Variants in CSTF3 observed in about 807,000 individuals in gnomAD.
CSTF3 encodes cleavage stimulation factor subunit 3.
A neutral mutation model predicts 105.8 loss-of-function variants in CSTF3; 29 were observed. The ratio of observed to expected loss-of-function variants is 0.27; its 90% CI spans 0.20 to 0.37. The LOEUF (loss-of-function observed/expected upper bound fraction) is 0.37. Ranked by LOEUF, CSTF3 falls within the 10% of genes least tolerant of loss-of-function variation. The probability of loss-of-function intolerance (pLI) is 1.00; values close to 1 mark genes in which losing one functional copy is unlikely to be tolerated. For synonymous variants in CSTF3, 252 were observed against 281.9 expected, an observed-to-expected ratio of 0.89 and a Z score of 1.06; for missense variants, 357 against 879.3, an observed-to-expected ratio of 0.41 and a Z score of 7.51.
intron 17 of CSTF3, among the ~76,000 whole-genome samples, chr11:33,090,281 A>C (rs1476428321): frequency 6.6e-6 from 1 of 152,150 alleles, no homozygotes; most frequent in Admixed American, 6.5e-5. Context: ...CAGATATAAG[A>C]TATAAGGCAC....
At chr11:33,103,494 G>C (rs1855298738) in intron 8 of CSTF3, among the ~76,000 whole-genome samples, 1 of 151,982 alleles carries the variant, frequency 6.6e-6, no homozygotes, top group Non-Finnish European at 1.5e-5. Flanking sequence ...AAAAAAAAAT[G>C]ACATGGCTCA....
chr11:33,098,998 T>C, intron 12 of CSTF3, 36 bp downstream of exon 12: 3 of 1,547,598 alleles, frequency 1.9e-6, no homozygotes, highest in South Asian at 2.5e-5. Context: ...CACTAAAAAA[T>C]TGAATTATAA....
chr11:33,089,306 C>T (rs2133768277), intron 17 of CSTF3, among the ~76,000 whole-genome samples: 1 of 143,788 alleles, frequency 7.0e-6, no homozygotes, highest in South Asian at 2.2e-4. Context: ...ATGATCTCAC[C>T]ATTGCACTCC....
rs1422767363 is a variant in CSTF3 at position 33,102,115 on chromosome 11, T to C, written c.826+62A>G. The C allele has an allele frequency of 5.6e-6, 8 of 1,430,002 alleles. No individual in the cohort carries two copies. In the East Asian group the frequency reaches 1.8e-4, roughly 32 times the overall value. 88.6% of individuals were successfully genotyped at this position (1,430,002 alleles called of 1,614,324 possible). On this transcript the variant is annotated intron_variant, in intron 10 of 20. Coordinates refer to ENST00000323959, the MANE Select transcript of CSTF3 (RefSeq NM_001326.3). The stretch of plus-strand genomic sequence containing the variant: ...GGGGTAAGAAAATTTTAGTAACCTA[T>C]GGGGATACCAAGTGGCCTAACATAC...
chr11:33,149,207 A>G (rs1041922061), intron 1 of CSTF3, among the ~76,000 whole-genome samples: 7 of 152,230 alleles, frequency 4.6e-5, no homozygotes, highest in African/African-American at 1.7e-4. Flanking sequence ...TGCTATCCAG[A>G]TACCTGGGGA....
rs185438571 is a variant in CSTF3 at position 33,136,667 on chromosome 11, A to T, written c.225+5000T>A. 3.3e-5 allele frequency among the ~76,000 whole-genome samples: 5 copies of T among 152,070 alleles called. No individual in the cohort carries two copies. The East Asian group carries it at 9.6e-4, about 29-fold the overall frequency. On this transcript the variant is annotated intron_variant, in intron 3 of 20. Transcript: ENST00000323959. ...TAACCAAAAATGCTCAGCACTGTAAAAAGTCTCATGTGTTAGAATTAGTTT... is the reference window on the plus strand; with the variant it reads ...TAACCAAAAATGCTCAGCACTGTAATAAGTCTCATGTGTTAGAATTAGTTT...
chr11:33,143,468 G>T (rs1855738620), intron 1 of CSTF3, among the ~76,000 whole-genome samples: 1 of 152,172 alleles, frequency 6.6e-6, no homozygotes, highest in Non-Finnish European at 1.5e-5. Flanking sequence ...AATTTATACA[G>T]GCCAGGTGTG....
At chr11:33,120,450 A>G (rs959458051) in intron 3 of CSTF3, among the ~76,000 whole-genome samples, 4 of 151,822 alleles carry the variant, frequency 2.6e-5, no homozygotes, top group Non-Finnish European at 4.4e-5. Flanking sequence ...TTTTGTAACA[A>G]TCTTGACAAA....
intron 1 of CSTF3, among the ~76,000 whole-genome samples, chr11:33,149,595 A>T (rs1323718361): frequency 6.6e-6 from 1 of 152,346 alleles, no homozygotes; most frequent in African/African-American, 2.4e-5. Flanking sequence ...TTGCCAGAAC[A>T]GGTCATTTTA....
At position 33,091,234 on chromosome 11, in the gene CSTF3, G is replaced by A. The variant is rs576607895; in HGVS notation, c.1446-507C>T. 3.9e-5 allele frequency among the ~76,000 whole-genome samples: 6 copies of A among 152,178 alleles called. No individual in the cohort carries two copies. In the South Asian group the frequency reaches 6.2e-4, roughly 16 times the overall value. On this transcript the variant is annotated intron_variant, in intron 16 of 20. Transcript: ENST00000323959. ...ATACTCCAAAATCTAATATGATTAC[G>A]CTATTGTTTCCCATTAACGTGGATC...
At chr11:33,086,021 G>A (rs1565000163) in intron 18 of CSTF3, 32 bp from the exon 19 acceptor site, 1 of 1,336,426 alleles carries the variant, frequency 7.5e-7, no homozygotes, top group East Asian at 2.5e-5. Flanking sequence ...GAATCAAGTG[G>A]AATGGAAGAA....
chr11:33,158,431 A>G (rs1211652570), intron 1 of CSTF3, among the ~76,000 whole-genome samples: 2 of 152,252 alleles, frequency 1.3e-5, no homozygotes, highest in African/African-American at 4.8e-5. Context: ...ATGAGCCAGT[A>G]AACAGACACA....
At chr11:33,160,347 C>T (rs1181846621) in intron 1 of CSTF3, among the ~76,000 whole-genome samples, 2 of 152,142 alleles carry the variant, frequency 1.3e-5, no homozygotes, top group Non-Finnish European at 1.5e-5. Flanking sequence ...ACATCTTCCA[C>T]GTTATAAGCT....
At position 33,155,857 on chromosome 11, in the gene CSTF3, G is replaced by A. The variant is rs369785207; in HGVS notation, c.27+5442C>T. On this transcript the variant is annotated intron_variant, in intron 1 of 20. Transcript: ENST00000323959. ...AGCTTAAAATCACCGTCACCAAATC[G>A]AAGATTTAAAAAAAAAAGCTTAAAA... Among the ~76,000 whole-genome samples, 11 of 145,924 alleles carry A rather than the reference G, an allele frequency of 7.5e-5. No individual in the cohort carries two copies. In the East Asian group the frequency reaches 1.7e-3, roughly 23 times the overall value.
At chr11:33,085,358 G>GATACTTT in intron 20 of CSTF3, 69 bp from the exon 21 acceptor site, 1 of 803,554 alleles carries the variant, frequency 1.2e-6, no homozygotes, top group Non-Finnish European at 1.8e-6. Flanking sequence ...TTCAACTGTG[G>GATACTTT]ATACTTTATT....
rs765888310 is a variant in CSTF3 at position 33,090,611 on chromosome 11, GTTTC to G, written c.1558_1561del (p.Glu520ArgfsTer4). 1 of 1,612,204 alleles carries G rather than the reference GTTTC, an allele frequency of 6.2e-7. No homozygotes were observed. The highest frequency in any genetic ancestry group is 1.1e-5 in the South Asian group (1 of 90,760). ...CTTGTATCTATCTACTAGTAAAGCC[GTTTC>G]TTTCCCTTCATACTCTTCTTTGAAT... On this transcript the variant is annotated frameshift_variant, in exon 17 of 21. Transcript: ENST00000323959. LOFTEE classifies it high-confidence loss of function.
intron 3 of CSTF3, among the ~76,000 whole-genome samples, chr11:33,126,593 A>C (rs2133790142): frequency 6.6e-6 from 1 of 152,338 alleles, no homozygotes; most frequent in African/African-American, 2.4e-5. Flanking sequence ...TGTTCTAAAA[A>C]TAAAGACATT....
chr11:33,144,639 C>A (rs562985778), intron 1 of CSTF3, among the ~76,000 whole-genome samples: 60 of 152,200 alleles, frequency 3.9e-4, no homozygotes, highest in African/African-American at 1.3e-3. Flanking sequence ...TAAGAGAGAT[C>A]AAAGATTTAA....
intron 1 of CSTF3, 28 bp downstream of exon 1, chr11:33,161,270 CA>C: frequency 6.2e-7 from 1 of 1,612,576 alleles, no homozygotes; most frequent in Non-Finnish European, 8.5e-7. Flanking sequence ...AAGAGGTCGC[CA>C]CGAGGCCCCA....
Sources: allele counts gnomAD v4.1 joint callset (sites outside exome capture counted in the v4.1 genomes callset), GRCh38; gene constraint gnomAD v4.1.1; transcripts MANE v1.5; gene names NCBI Gene and HGNC (gene_info 2026-07-23, HGNC 2026-07-21).